Variants in PDE7B observed in about 807,000 individuals in gnomAD.
PDE7B encodes phosphodiesterase 7B.
In PDE7B, 29 loss-of-function variants were observed where a neutral mutation model predicts 56.2. The ratio of observed to expected loss-of-function variants is 0.52; its 90% CI spans 0.38 to 0.70. The LOEUF is 0.70. Among genes scored for constraint, PDE7B ranks in the 30% least tolerant of loss-of-function variants. The pLI, the probability that PDE7B is intolerant of heterozygous loss-of-function variation, is 0.00. For synonymous variants in PDE7B, 197 were observed against 196.9 expected (o/e 1.00, Z 0.00); for missense variants, 490 against 565.0 (o/e 0.87, Z 1.35).
intron 2 of PDE7B, among the ~76,000 whole-genome samples, chr6:136,008,148 A>G (rs968698051): frequency 2.6e-5 from 4 of 152,114 alleles, no homozygotes; most frequent in African/African-American, 9.6e-5. Context: ...CCATGTCCCT[A>G]CAAAGGACAT....
chr6:135,907,817 A>T (rs1289073909), intron 1 of PDE7B, among the ~76,000 whole-genome samples: 2 of 152,170 alleles, frequency 1.3e-5, no homozygotes, highest in Non-Finnish European at 2.9e-5. Flanking sequence ...ATAAAGACAG[A>T]TATATCCTGC....
chr6:136,122,655 G>A (rs1777956847), intron 3 of PDE7B, among the ~76,000 whole-genome samples: 1 of 152,124 alleles, frequency 6.6e-6, no homozygotes, highest in South Asian at 2.1e-4. Context: ...AAATTAGCTG[G>A]TATCTATTGA....
At chr6:136,028,145 T>C (rs890803472) in intron 2 of PDE7B, among the ~76,000 whole-genome samples, 1 of 152,118 alleles carries the variant, frequency 6.6e-6, no homozygotes, top group African/African-American at 2.4e-5. Context: ...AATTAATGAA[T>C]GAATTAAGGG....
chr6:136,038,178 C>T (rs1776357214), intron 2 of PDE7B: 1 of 1,298,734 alleles, frequency 7.7e-7, no homozygotes, highest in Non-Finnish European at 1.0e-6. Flanking sequence ...AAGAATTTCC[C>T]CTGTGGTAGC....
At chr6:136,061,114 G>T (rs2128212582) in intron 2 of PDE7B, among the ~76,000 whole-genome samples, 1 of 152,070 alleles carries the variant, frequency 6.6e-6, no homozygotes, top group Middle Eastern at 3.4e-3. Flanking sequence ...TAGTAGCACA[G>T]CAAACAGTTT....
intron 2 of PDE7B, among the ~76,000 whole-genome samples, chr6:136,046,949 TG>T (rs1776519862): frequency 2.6e-5 from 4 of 152,286 alleles, no homozygotes; most frequent in Middle Eastern, 6.8e-3. Context: ...ATATTCCAAA[TG>T]ATCTTCCACG....
At chr6:135,966,129 G>A (rs1329792250) in intron 2 of PDE7B, among the ~76,000 whole-genome samples, 1 of 152,124 alleles carries the variant, frequency 6.6e-6, no homozygotes, top group Non-Finnish European at 1.5e-5. Context: ...AACATAGAAA[G>A]TTCAACTAGA....
intron 2 of PDE7B, among the ~76,000 whole-genome samples, chr6:136,066,035 T>A (rs912854645): frequency 7.8e-6 from 1 of 127,746 alleles, no homozygotes; most frequent in Non-Finnish European, 1.7e-5. Context: ...CCATAAAGGC[T>A]TTTTTTGTTT....
chr6:135,989,128 T>C lies in PDE7B; in HGVS notation c.82+41604T>C, dbSNP rs557494964. Among the ~76,000 whole-genome samples, 50 of 152,278 alleles carry C rather than the reference T, an allele frequency of 3.3e-4. No individual in the cohort carries two copies. The East Asian group carries it at 9.7e-3, about 29-fold the overall frequency. The stretch of plus-strand genomic sequence containing the variant: ...CTTCTGAAAATTAAGTTCTATGTAA[T>C]TAAACCAACGGAAAATACAAACAAC... On this transcript the variant is annotated intron_variant, in intron 2 of 12. Transcript: ENST00000308191.
chr6:135,916,946 G>T (rs1359998864), intron 1 of PDE7B, among the ~76,000 whole-genome samples: 1 of 151,572 alleles, frequency 6.6e-6, no homozygotes, highest in Non-Finnish European at 1.5e-5. Flanking sequence ...TTTTAATTTG[G>T]CAGTTGAATT....
At chr6:135,971,441 G>C (rs1775092475) in intron 2 of PDE7B, among the ~76,000 whole-genome samples, 1 of 152,306 alleles carries the variant, frequency 6.6e-6, no homozygotes, top group South Asian at 2.1e-4. Flanking sequence ...GCGGGAAAGA[G>C]AGATTGCTCT....
intron 1 of PDE7B, among the ~76,000 whole-genome samples, chr6:135,914,490 T>C (rs1226331428): frequency 6.7e-5 from 1 of 14,892 alleles, no homozygotes; most frequent in Non-Finnish European, 1.1e-4. Context: ...TAATGCTTTT[T>C]TTTTTTTTTT....
chr6:136,061,296 C>T (rs966147886), intron 2 of PDE7B, among the ~76,000 whole-genome samples: 9 of 151,856 alleles, frequency 5.9e-5, no homozygotes, highest in East Asian at 5.8e-4. Flanking sequence ...ATATTCACAC[C>T]GTTACATTTA....
At position 135,891,792 on chromosome 6, in the gene PDE7B, A is replaced by G. The variant is rs147071687; in HGVS notation, c.21+39773A>G. 4.1e-4 allele frequency among the ~76,000 whole-genome samples: 62 copies of G among 152,256 alleles called. 1 individual carries two copies. The highest frequency in any genetic ancestry group is 1.4e-3 in the African/African-American group (59 of 41,556). On this transcript the variant is annotated intron_variant, in intron 1 of 12. Coordinates refer to ENST00000308191, the MANE Select transcript of PDE7B (RefSeq NM_018945.4). The stretch of plus-strand genomic sequence containing the variant: ...TATGTATCTACTACCTTTCCAGTAG[A>G]TTGCAAACTCTTTTGAAAGGATTCT...
intron 2 of PDE7B, among the ~76,000 whole-genome samples, chr6:136,046,566 A>G (rs1487991013): frequency 6.6e-6 from 1 of 152,218 alleles, no homozygotes. Context: ...GAGAGGTGCC[A>G]ACCTCAGAGG....
chr6:136,001,551 A>G (rs921152057), intron 2 of PDE7B, among the ~76,000 whole-genome samples: 39 of 152,368 alleles, frequency 2.6e-4, no homozygotes, highest in African/African-American at 8.9e-4. Context: ...TACGTGAAGA[A>G]TGCAGAAGCC....
chr6:135,912,648 A>G (rs989282024), intron 1 of PDE7B, among the ~76,000 whole-genome samples: 3 of 152,202 alleles, frequency 2.0e-5, no homozygotes, highest in Non-Finnish European at 4.4e-5. Flanking sequence ...AGGACATTCC[A>G]GAAAAGGAAA....
At chr6:136,004,244 T>A (rs1342245724) in intron 2 of PDE7B, among the ~76,000 whole-genome samples, 1 of 152,162 alleles carries the variant, frequency 6.6e-6, no homozygotes. Flanking sequence ...ACAGCTAATA[T>A]CATACTGAAT....
chr6:136,063,427 C>T (rs1776877428), intron 2 of PDE7B, among the ~76,000 whole-genome samples: 1 of 152,232 alleles, frequency 6.6e-6, no homozygotes, highest in Non-Finnish European at 1.5e-5. Context: ...TTTTTCCCAT[C>T]CGTATCCTTC....
Sources: allele counts gnomAD v4.1 joint callset (sites outside exome capture counted in the v4.1 genomes callset), GRCh38; gene constraint gnomAD v4.1.1; transcripts MANE v1.5; gene names NCBI Gene and HGNC (gene_info 2026-07-23, HGNC 2026-07-21).